Variants in PTPRD observed in about 807,000 individuals in gnomAD.
The protein encoded by PTPRD is protein tyrosine phosphatase receptor type D, also known as receptor-type tyrosine-protein phosphatase delta.
PTPRD carries 34 observed loss-of-function variants against 214.5 expected under a neutral mutation model. The observed-to-expected ratio is 0.16, with a 90% CI of 0.12 to 0.21. The LOEUF is 0.21. PTPRD is among the 10% of genes least tolerant of loss of function. The pLI, the probability that PTPRD is intolerant of heterozygous loss-of-function variation, is 1.00. For missense variants in PTPRD, 2,545 were observed against 2,398.7 expected (o/e 1.06, Z -1.27); for synonymous variants, 1,128 against 845.7 (o/e 1.33, Z -5.79).
At chr9:8,917,398 A>G (rs1338110962) in intron 11 of PTPRD, among the ~76,000 whole-genome samples, 1 of 151,624 alleles carries the variant, frequency 6.6e-6, no homozygotes, top group African/African-American at 2.4e-5. Context: ...CGGCCTCCCA[A>G]AGTGCTGGGA....
chr9:8,789,038 T>C (rs1009133795), intron 11 of PTPRD, among the ~76,000 whole-genome samples: 1 of 152,130 alleles, frequency 6.6e-6, no homozygotes, highest in African/African-American at 2.4e-5. Context: ...TTCCAATTAT[T>C]ATAAGAAGCA....
intron 11 of PTPRD, among the ~76,000 whole-genome samples, chr9:8,903,111 C>T (rs978987462): frequency 5.3e-5 from 8 of 151,198 alleles, no homozygotes; most frequent in Non-Finnish European, 7.4e-5. Context: ...CTTAAGGCCA[C>T]GTAATAAATA....
intron 12 of PTPRD, among the ~76,000 whole-genome samples, chr9:8,650,528 CAAAAAAA>C (rs35887411): frequency 9.6e-5 from 10 of 104,288 alleles, no homozygotes; most frequent in Admixed American, 8.0e-4. Context: ...ACTCCGCCTC[CAAAAAAA>C]AAAAAAAAAA....
In PTPRD at chr9:10,327,642, G is replaced by A. The variant is rs1345147596; in HGVS notation, c.-545+13321C>T. 2.6e-5 allele frequency among the ~76,000 whole-genome samples: 4 copies of A among 151,588 alleles called. No individual in the cohort carries two copies. The South Asian group carries it at 6.2e-4, about 24-fold the overall frequency. Reference sequence around the variant, plus strand: ...AAACATTTCTTAGACAAGTTTGAAGGAAAAGAAATGCATTTCAGTGGCAAA... The same window carrying A: ...AAACATTTCTTAGACAAGTTTGAAGAAAAAGAAATGCATTTCAGTGGCAAA... On this transcript the variant is annotated intron_variant, in intron 3 of 45. Transcript: ENST00000381196.
intron 8 of PTPRD, among the ~76,000 whole-genome samples, chr9:9,482,772 C>T (rs906057080): frequency 2.6e-5 from 4 of 152,114 alleles, no homozygotes; most frequent in Non-Finnish European, 5.9e-5. Flanking sequence ...TATGAAGAGA[C>T]AATTAAGGCT....
chr9:9,865,523 C>T (rs1423353884), intron 5 of PTPRD, among the ~76,000 whole-genome samples: 7 of 152,192 alleles, frequency 4.6e-5, no homozygotes, highest in Admixed American at 4.6e-4. Flanking sequence ...AGAAGATTCT[C>T]ATCAGTGTGC....
intron 8 of PTPRD, among the ~76,000 whole-genome samples, chr9:9,476,011 T>G (rs1290064215): frequency 6.6e-6 from 1 of 152,196 alleles, no homozygotes; most frequent in Non-Finnish European, 1.5e-5. Flanking sequence ...AAAAGTCTCA[T>G]AGACTGTACA....
intron 5 of PTPRD, among the ~76,000 whole-genome samples, chr9:9,813,276 C>T (rs1269217150): frequency 6.6e-6 from 1 of 151,624 alleles, no homozygotes; most frequent in Non-Finnish European, 1.5e-5. Context: ...CCAGAATTAG[C>T]AGAAAGAAAA....
intron 11 of PTPRD, among the ~76,000 whole-genome samples, chr9:8,748,782 A>G (rs576537227): frequency 5.3e-5 from 8 of 152,064 alleles, no homozygotes; most frequent in Non-Finnish European, 1.0e-4. Context: ...ATGGTGGCGC[A>G]TGCCTGTAAT....
intron 3 of PTPRD, among the ~76,000 whole-genome samples, chr9:10,057,623 T>A (rs548353463): frequency 2.0e-5 from 3 of 152,056 alleles, no homozygotes; most frequent in Admixed American, 2.0e-4. Flanking sequence ...GGCGGGTGGA[T>A]CACGAGGTCA....
chr9:9,216,236 A>G (rs2099952116), intron 9 of PTPRD, among the ~76,000 whole-genome samples: 1 of 152,156 alleles, frequency 6.6e-6, no homozygotes. Context: ...AGTACTGTAC[A>G]ATGCCTGGAA....
chr9:9,608,333 T>C (rs910006855), intron 7 of PTPRD, among the ~76,000 whole-genome samples: 1 of 152,228 alleles, frequency 6.6e-6, no homozygotes, highest in Non-Finnish European at 1.5e-5. Flanking sequence ...TGGTGCATGG[T>C]TATTTAACCT....
intron 11 of PTPRD, among the ~76,000 whole-genome samples, chr9:8,981,510 A>C (rs1213674937): frequency 6.6e-6 from 1 of 152,050 alleles, no homozygotes; most frequent in Non-Finnish European, 1.5e-5. Context: ...GAATCATGAA[A>C]ACATTTGCAA....
chr9:9,323,163 G>C (rs1967490285), intron 9 of PTPRD, among the ~76,000 whole-genome samples: 1 of 151,858 alleles, frequency 6.6e-6, no homozygotes, highest in Non-Finnish European at 1.5e-5. Flanking sequence ...AGCAAGATTT[G>C]AATAAGATTT....
At chr9:8,705,864 G>A (rs1433412890) in intron 12 of PTPRD, among the ~76,000 whole-genome samples, 1 of 152,070 alleles carries the variant, frequency 6.6e-6, no homozygotes, top group African/African-American at 2.4e-5. Context: ...ATTTATATTT[G>A]TTAAGTGTAT....
At chr9:10,182,878 A>G (rs937016507) in intron 3 of PTPRD, among the ~76,000 whole-genome samples, 1 of 152,134 alleles carries the variant, frequency 6.6e-6, no homozygotes, top group Non-Finnish European at 1.5e-5. Context: ...TTATGCACTA[A>G]AATATGAAGA....
At chr9:10,195,065 T>C (rs1054022371) in intron 3 of PTPRD, among the ~76,000 whole-genome samples, 1 of 150,144 alleles carries the variant, frequency 6.7e-6, no homozygotes, top group Non-Finnish European at 1.5e-5. Flanking sequence ...TCCAAGTAGC[T>C]GGCACTACAG....
At chr9:10,114,193 C>A (rs112633146) in intron 3 of PTPRD, among the ~76,000 whole-genome samples, 1 of 152,100 alleles carries the variant, frequency 6.6e-6, no homozygotes, top group African/African-American at 2.4e-5. Flanking sequence ...GGTTTTATCA[C>A]CCACAACCTG....
chr9:9,917,125 TAAAC>T (rs542261338), intron 5 of PTPRD, among the ~76,000 whole-genome samples: 11 of 148,642 alleles, frequency 7.4e-5, no homozygotes, highest in Non-Finnish European at 1.0e-4. Flanking sequence ...AAATTGTAAA[TAAAC>T]AATCTAACAA....
Sources: gnomAD v4.1 joint callset for allele counts (sites outside exome capture counted in the v4.1 genomes callset) on GRCh38, gnomAD v4.1.1 for gene constraint, MANE v1.5 for transcripts, NCBI Gene and HGNC (gene_info 2026-07-23, HGNC 2026-07-21) for gene names.